Variants in CCDC85A observed in about 807,000 individuals in gnomAD.
CCDC85A encodes coiled-coil domain-containing protein 85A.
A neutral mutation model predicts 50.2 loss-of-function variants in CCDC85A; 38 were observed. The observed-to-expected ratio is 0.76, with a 90% CI of 0.58 to 0.99. The LOEUF is 0.99. CCDC85A is among the 50% of genes least tolerant of loss of function. The pLI, the probability that CCDC85A is intolerant of heterozygous loss-of-function variation, is 0.00. For synonymous variants in CCDC85A, 366 were observed against 301.4 expected (o/e 1.21, Z -2.22); for missense variants, 820 against 742.0 (o/e 1.11, Z -1.22).
intron 2 of CCDC85A, among the ~76,000 whole-genome samples, chr2:56,247,440 GCACTTTTCATA>G (rs1669561381): frequency 6.6e-6 from 1 of 152,088 alleles, no homozygotes; most frequent in African/African-American, 2.4e-5. Flanking sequence ...CATGCAACTG[GCACTTTTCATA>G]GGAGGTTGTT....
intron 2 of CCDC85A, among the ~76,000 whole-genome samples, chr2:56,323,360 T>G (rs184262885): frequency 1.0e-3 from 157 of 152,084 alleles, no homozygotes; most frequent in Non-Finnish European, 1.8e-3. Context: ...CTTCTGAAGG[T>G]ATAGGAAATG....
chr2:56,224,621 A>G (rs1266844107), intron 2 of CCDC85A, among the ~76,000 whole-genome samples: 1 of 151,944 alleles, frequency 6.6e-6, no homozygotes, highest in Admixed American at 6.6e-5. Context: ...AATAGTTGCT[A>G]TTGTTTGCCT....
At chr2:56,230,383 A>G (rs1041807148) in intron 2 of CCDC85A, among the ~76,000 whole-genome samples, 3 of 152,136 alleles carry the variant, frequency 2.0e-5, no homozygotes, top group African/African-American at 7.2e-5. Context: ...CTACTCTCTT[A>G]ATTAGTCATT....
At chr2:56,335,251 A>G (rs958701306) in intron 2 of CCDC85A, among the ~76,000 whole-genome samples, 5 of 152,184 alleles carry the variant, frequency 3.3e-5, no homozygotes, top group African/African-American at 9.7e-5. Context: ...TTTTTAAAAT[A>G]CACAGTTCTG....
chr2:56,248,760 T>C (rs1420710259), intron 2 of CCDC85A, among the ~76,000 whole-genome samples: 1 of 152,144 alleles, frequency 6.6e-6, no homozygotes, highest in African/African-American at 2.4e-5. Flanking sequence ...CTACATGATT[T>C]CAGTGTCAGG....
chr2:56,222,976 C>T (rs1377671931), intron 2 of CCDC85A, among the ~76,000 whole-genome samples: 1 of 152,082 alleles, frequency 6.6e-6, no homozygotes, highest in African/African-American at 2.4e-5. Flanking sequence ...TTTTACCTAT[C>T]TTGATTTATC....
At chr2:56,366,507 T>C (rs928412403) in intron 3 of CCDC85A, among the ~76,000 whole-genome samples, 6 of 152,232 alleles carry the variant, frequency 3.9e-5, no homozygotes, top group Non-Finnish European at 8.8e-5. Context: ...TTAGAACTGT[T>C]CAGCATTTTT....
chr2:56,229,658 T>A (rs1394107759), intron 2 of CCDC85A, among the ~76,000 whole-genome samples: 2 of 152,186 alleles, frequency 1.3e-5, no homozygotes, highest in Admixed American at 1.3e-4. Context: ...TTTTTTTTTG[T>A]TTGGTCTATT....
intron 2 of CCDC85A, among the ~76,000 whole-genome samples, chr2:56,260,712 G>A (rs1670181683): frequency 6.6e-6 from 1 of 152,190 alleles, no homozygotes; most frequent in African/African-American, 2.4e-5. Flanking sequence ...GCTGTGGAAT[G>A]TATATGTGTA....
At chr2:56,338,437 G>C (rs986955700) in intron 2 of CCDC85A, among the ~76,000 whole-genome samples, 2 of 152,122 alleles carry the variant, frequency 1.3e-5, no homozygotes, top group African/African-American at 4.8e-5. Context: ...GGGGAAGGGG[G>C]TTGCAGCGGA....
At chr2:56,261,203 C>T (rs566261468) in intron 2 of CCDC85A, among the ~76,000 whole-genome samples, 15 of 152,284 alleles carry the variant, frequency 9.9e-5, no homozygotes, top group East Asian at 9.7e-4. Flanking sequence ...AAAGAAACTG[C>T]GGTAGCACTT....
intron 1 of CCDC85A, among the ~76,000 whole-genome samples, chr2:56,187,629 A>T (rs952581689): frequency 1.3e-5 from 2 of 152,206 alleles, no homozygotes; most frequent in African/African-American, 4.8e-5. Context: ...TATACCATAG[A>T]TGAAGAAACC....
intron 5 of CCDC85A, among the ~76,000 whole-genome samples, chr2:56,381,375 A>C (rs1364365935): frequency 6.6e-6 from 1 of 152,108 alleles, no homozygotes. Flanking sequence ...GAAAGTTCAG[A>C]CAATAGGAAC....
chr2:56,329,529 A>T (rs13419278), intron 2 of CCDC85A, among the ~76,000 whole-genome samples: 49,304 of 152,072 alleles, frequency 0.32, 8,250 homozygotes, highest in East Asian at 0.45. Context: ...GCTAATTTAG[A>T]TTATCTAAAC....
At position 56,184,289 on chromosome 2, in the gene CCDC85A, C is replaced by T. The variant is rs1325148642; in HGVS notation, c.-336C>T. 1 of 707,488 alleles carries T rather than the reference C, an allele frequency of 1.4e-6. No individual in the cohort carries two copies. Among genetic ancestry groups the T allele is most frequent in the Non-Finnish European group, 1.8e-6 (1 of 554,378 alleles). The allele number at this position is 707,488 out of a possible 1,614,324, so 43.8% of individuals were successfully genotyped here. On this transcript the variant is annotated 5_prime_UTR_variant, in exon 1 of 6. Transcript: ENST00000407595. ...GGCGGAGGAGAGGGCAGGGGAACGG[C>T]GGTGCAGCTCCCCCGCTGTCCCCGA...
At chr2:56,242,792 G>T (rs1413952267) in intron 2 of CCDC85A, among the ~76,000 whole-genome samples, 2 of 152,010 alleles carry the variant, frequency 1.3e-5, no homozygotes, top group African/African-American at 4.8e-5. Flanking sequence ...GTCCATTTTT[G>T]CTTTGGGTAC....
rs112289477 is a variant in CCDC85A, at chr2:56,259,233, GT to G, written c.1240+65800del. Among the ~76,000 whole-genome samples the G allele has an allele frequency of 2.7e-3, 406 of 152,204 alleles. 3 individuals carry two copies. Among genetic ancestry groups the G allele is most frequent in the African/African-American group, 9.3e-3 (385 of 41,516 alleles). On this transcript the variant is annotated intron_variant, in intron 2 of 5. Transcript: ENST00000407595. ...TTGACACTGTTTTTGGGTAAGGCTT[GT>G]TTTTTTATGGATGGGATCATATGCA...
At chr2:56,379,338 A>T (rs1676478668) in intron 5 of CCDC85A, among the ~76,000 whole-genome samples, 1 of 152,122 alleles carries the variant, frequency 6.6e-6, no homozygotes, top group Admixed American at 6.6e-5. Flanking sequence ...GTCATCTTTT[A>T]TGCAGGCCAT....
At chr2:56,347,277 G>C (rs1358539199) in intron 3 of CCDC85A, among the ~76,000 whole-genome samples, 1 of 152,186 alleles carries the variant, frequency 6.6e-6, no homozygotes, top group Admixed American at 6.5e-5. Flanking sequence ...CAGGCAGCCA[G>C]TGAAGGCCGG....
Sources: allele counts gnomAD v4.1 joint callset (sites outside exome capture counted in the v4.1 genomes callset), GRCh38; gene constraint gnomAD v4.1.1; transcripts MANE v1.5; gene names NCBI Gene and HGNC (gene_info 2026-07-23, HGNC 2026-07-21).